The following GRIP1 variants were observed in gnomAD, a reference collection of about 807,000 sequenced individuals.
The protein encoded by GRIP1 is glutamate receptor-interacting protein 1.
A neutral mutation model predicts 129.9 loss-of-function variants in GRIP1; 45 were observed. That is an observed-to-expected ratio of 0.35 (90% confidence interval 0.27 to 0.44). The LOEUF (loss-of-function observed/expected upper bound fraction) is 0.44, where lower values mean the gene tolerates loss of function less well. Among genes scored for constraint, GRIP1 ranks in the 20% least tolerant of loss-of-function variants. The probability of loss-of-function intolerance (pLI) is 1.00; values close to 1 mark genes in which losing one functional copy is unlikely to be tolerated. For missense variants in GRIP1, 1,196 were observed against 1,396.8 expected (o/e 0.86, Z 2.29); for synonymous variants, 530 against 520.8 (o/e 1.02, Z -0.24).
intron 1 of GRIP1, among the ~76,000 whole-genome samples, chr12:66,743,152 C>T (rs1032115670): frequency 5.9e-5 from 9 of 152,132 alleles, no homozygotes; most frequent in African/African-American, 2.2e-4. Flanking sequence ...ACTCACCTAA[C>T]ATCTACCCCA....
chr12:66,485,439 T>C (rs2059927249), intron 7 of GRIP1, among the ~76,000 whole-genome samples: 1 of 151,266 alleles, frequency 6.6e-6, no homozygotes, highest in South Asian at 2.1e-4. Flanking sequence ...ATTAAAATAG[T>C]TTTAAAAACT....
chr12:66,539,544 G>GTTTTTTTTTT (rs1250833017), intron 3 of GRIP1, among the ~76,000 whole-genome samples: 6 of 67,666 alleles, frequency 8.9e-5, no homozygotes, highest in African/African-American at 3.1e-4. Flanking sequence ...ATCAAGAGAA[G>GTTTTTTTTTT]CTTTTTTTTT....
chr12:66,574,281 A>G (rs1565875389), intron 2 of GRIP1, among the ~76,000 whole-genome samples: 1 of 152,258 alleles, frequency 6.6e-6, no homozygotes, highest in Non-Finnish European at 1.5e-5. Context: ...AAAATTATCC[A>G]GGTAATAAAC....
intron 1 of GRIP1, among the ~76,000 whole-genome samples, chr12:66,869,788 C>A (rs1170278866): frequency 6.6e-6 from 1 of 152,052 alleles, no homozygotes; most frequent in Non-Finnish European, 1.5e-5. Context: ...AGATACAAGA[C>A]AAAAACTTCC....
chr12:66,737,500 T>C (rs1307145315), intron 1 of GRIP1, among the ~76,000 whole-genome samples: 1 of 152,148 alleles, frequency 6.6e-6, no homozygotes, highest in Non-Finnish European at 1.5e-5. Context: ...GTCAGGCTGG[T>C]CTTGAACTCC....
chr12:66,392,230 A>C (rs529739089), intron 19 of GRIP1, 78 bp downstream of exon 19: 1 of 867,396 alleles, frequency 1.2e-6, no homozygotes, highest in South Asian at 1.3e-5. Flanking sequence ...TATTCTCCTC[A>C]TGGAGCAGAG....
rs2057775439 is a variant in GRIP1, at chr12:66,420,720, C to T, written c.1838G>A (p.Arg613Lys). Residue 613 changes from arginine (R) to lysine (K), a missense_variant and splice_region_variant, in exon 15 of 25, where the codon AGA becomes AAA. Coordinates refer to ENST00000359742, the MANE Select transcript of GRIP1 (RefSeq NM_001366722.1). ...SDIKKGSVAH[R>K]TGTLELGDKL... The stretch of plus-strand genomic sequence containing the variant: ...GAATCAGAAAATCCATTTTCCTTAC[C>T]TGTGTGCCACACTCCCTTTCTTGAT... 2 of 1,521,692 alleles carry T rather than the reference C, an allele frequency of 1.3e-6. No homozygotes were observed. The highest frequency in any genetic ancestry group is 1.7e-5 in the Admixed American group (1 of 59,890). 94.3% of individuals were successfully genotyped at this position (1,521,692 alleles called of 1,614,324 possible).
At chr12:66,904,138 T>C (rs1381114819) in intron 1 of GRIP1, among the ~76,000 whole-genome samples, 1 of 152,220 alleles carries the variant, frequency 6.6e-6, no homozygotes, top group African/African-American at 2.4e-5. Context: ...TAACAAATAC[T>C]GTAATGTGCC....
rs1474556399 is a variant in GRIP1, at chr12:66,366,566, C to T, written c.3012+5128G>A. ...CCACAAATAAAAGCAGATGCTGCAA[C>T]ATTTTTTAAAAGCATTTCTGTAAGA... On this transcript the variant is annotated intron_variant, in intron 23 of 24. Coordinates refer to ENST00000359742, the MANE Select transcript of GRIP1 (RefSeq NM_001366722.1). Among the ~76,000 whole-genome samples the T allele has an allele frequency of 2.0e-5, 3 of 152,180 alleles. No homozygotes were observed. In the East Asian group the frequency reaches 5.8e-4, roughly 29 times the overall value.
rs1205328297 is a variant in GRIP1, at chr12:66,625,767, T to A, written c.56-28840A>T. 3.3e-5 allele frequency among the ~76,000 whole-genome samples: 5 copies of A among 152,220 alleles called. No individual in the cohort carries two copies. The East Asian group carries it at 9.6e-4, about 29-fold the overall frequency. On this transcript the variant is annotated intron_variant, in intron 1 of 24. Coordinates refer to ENST00000359742, the MANE Select transcript of GRIP1 (RefSeq NM_001366722.1). ...TAGTCTAGCAAATGTAAGGGGTTGC[T>A]ATTCCTTAGATGAGAAGTTTGATAA... is the stretch of plus-strand genomic sequence containing the variant.
At chr12:66,681,559 C>T (rs2136282456), upstream of GRIP1, among the ~76,000 whole-genome samples, 1 of 152,258 alleles carries the variant, frequency 6.6e-6, no homozygotes, top group Middle Eastern at 3.4e-3. Context: ...TCAATGTAAG[C>T]ATGTGTCTTT....
chr12:66,570,156 T>C (rs2139492340), intron 2 of GRIP1, among the ~76,000 whole-genome samples: 1 of 151,870 alleles, frequency 6.6e-6, no homozygotes, highest in Admixed American at 6.5e-5. Context: ...TCTTACTCCG[T>C]CACCCAGGCT....
At chr12:67,040,244 G>A (rs551464974) in intron 1 of GRIP1, among the ~76,000 whole-genome samples, 10 of 151,668 alleles carry the variant, frequency 6.6e-5, no homozygotes, top group Admixed American at 2.0e-4. Context: ...TGTCATGGGT[G>A]AGCTCTGGCA....
intron 7 of GRIP1, among the ~76,000 whole-genome samples, chr12:66,477,689 T>C (rs1051068200): frequency 6.6e-6 from 1 of 152,180 alleles, no homozygotes; most frequent in African/African-American, 2.4e-5. Context: ...AGATATAGGC[T>C]AATGGAACAG....
intron 7 of GRIP1, among the ~76,000 whole-genome samples, chr12:66,506,665 G>A (rs2060536888): frequency 6.6e-6 from 1 of 152,128 alleles, no homozygotes; most frequent in Non-Finnish European, 1.5e-5. Flanking sequence ...CTCTTTGCGT[G>A]TTGTACTATA....
At chr12:66,728,141 T>C (rs1476482894) in intron 1 of GRIP1, among the ~76,000 whole-genome samples, 1 of 152,152 alleles carries the variant, frequency 6.6e-6, no homozygotes, top group Non-Finnish European at 1.5e-5. Flanking sequence ...AAAAATGAAA[T>C]GGAGAAAGAT....
At chr12:67,008,871 G>C (rs977810095) in intron 1 of GRIP1, among the ~76,000 whole-genome samples, 1 of 151,982 alleles carries the variant, frequency 6.6e-6, no homozygotes, top group African/African-American at 2.4e-5. Context: ...CTAACAATAT[G>C]TGCATATTAT....
At chr12:66,644,491 C>T (rs969695348) in intron 1 of GRIP1, among the ~76,000 whole-genome samples, 7 of 152,118 alleles carry the variant, frequency 4.6e-5, no homozygotes, top group African/African-American at 1.7e-4. Flanking sequence ...CTTTCTACCA[C>T]CAAACCTCAA....
intron 1 of GRIP1, among the ~76,000 whole-genome samples, chr12:66,991,583 AAGAAAACATAGAGAAAACTTGGGCAC>A (rs1467785707): frequency 1.3e-5 from 2 of 152,246 alleles, no homozygotes; most frequent in Non-Finnish European, 2.9e-5. Context: ...AAAAGAATAC[AAGAAAACATAGAGAAAACTTGGGCAC>A]AGCCAATTTT....
Sources: gnomAD v4.1 joint callset for allele counts (sites outside exome capture counted in the v4.1 genomes callset) on GRCh38, gnomAD v4.1.1 for gene constraint, MANE v1.5 for transcripts, NCBI Gene and HGNC (gene_info 2026-07-23, HGNC 2026-07-21) for gene names.